NEDD4: variants seen among roughly 807,000 people sequenced by gnomAD.
NEDD4 encodes the protein E3 ubiquitin-protein ligase NEDD4.
In NEDD4, 99 loss-of-function variants were observed where a neutral mutation model predicts 144.9. The observed-to-expected ratio is 0.68, with a 90% CI of 0.58 to 0.81. NEDD4 has a LOEUF of 0.81. NEDD4 is among the 30% of genes least tolerant of loss of function. The pLI is 0.00. For synonymous variants in NEDD4, 318 were observed against 350.6 expected, an observed-to-expected ratio of 0.91 and a Z score of 1.04; for missense variants, 985 against 1,065.9, an observed-to-expected ratio of 0.92 and a Z score of 1.06.
chr15:55,958,244 T>C (rs1225153532), intron 2 of NEDD4, among the ~76,000 whole-genome samples: 6 of 152,248 alleles, frequency 3.9e-5, no homozygotes, highest in African/African-American at 1.2e-4. Context: ...GACTGGGTGT[T>C]ACATTTTGTC....
chr15:55,936,801 T>G (rs116706321), intron 4 of NEDD4, among the ~76,000 whole-genome samples: 1 of 151,832 alleles, frequency 6.6e-6, no homozygotes, highest in African/African-American at 2.4e-5. Context: ...TTTTCTTTTT[T>G]TTTTTTTTGA....
At chr15:55,954,267 C>G (rs1414613266) in intron 2 of NEDD4, among the ~76,000 whole-genome samples, 1 of 152,166 alleles carries the variant, frequency 6.6e-6, no homozygotes, top group Non-Finnish European at 1.5e-5. Context: ...TCATACCACT[C>G]GAACTGTTCC....
At chr15:55,911,332 T>C (rs2036266068) in intron 5 of NEDD4, among the ~76,000 whole-genome samples, 1 of 152,090 alleles carries the variant, frequency 6.6e-6, no homozygotes, top group Admixed American at 6.5e-5. Flanking sequence ...AATGCTGAGA[T>C]GGGGAATCCC....
chr15:55,950,600 C>T (rs1019645402), intron 4 of NEDD4, among the ~76,000 whole-genome samples: 1 of 151,900 alleles, frequency 6.6e-6, no homozygotes, highest in Non-Finnish European at 1.5e-5. Flanking sequence ...ACTGGTGACC[C>T]GAATAACAGC....
intron 5 of NEDD4, among the ~76,000 whole-genome samples, chr15:55,921,791 A>G (rs1329626794): frequency 6.6e-6 from 1 of 152,230 alleles, no homozygotes; most frequent in Non-Finnish European, 1.5e-5. Context: ...TATTATATAC[A>G]CAGTAAATGC....
chr15:55,912,489 T>C (rs1462572706), intron 5 of NEDD4, among the ~76,000 whole-genome samples: 5 of 151,948 alleles, frequency 3.3e-5, no homozygotes, highest in African/African-American at 1.2e-4. Flanking sequence ...AATAAAAATA[T>C]GAATATAAGT....
chr15:55,835,368 CTTTT>C (rs1245136828), intron 24 of NEDD4, among the ~76,000 whole-genome samples: 2 of 149,556 alleles, frequency 1.3e-5, no homozygotes, highest in Non-Finnish European at 3.0e-5. Context: ...CTCTTGATAC[CTTTT>C]TGTCTGCCTC....
intron 5 of NEDD4, among the ~76,000 whole-genome samples, chr15:55,901,082 A>G (rs1353404068): frequency 6.6e-6 from 1 of 152,150 alleles, no homozygotes; most frequent in Non-Finnish European, 1.5e-5. Context: ...TTGTGGGTAC[A>G]TGGTAGGTGT....
intron 1 of NEDD4, among the ~76,000 whole-genome samples, chr15:55,981,657 T>A (rs2140445998): frequency 6.6e-6 from 1 of 152,244 alleles, no homozygotes; most frequent in South Asian, 2.1e-4. Context: ...AATCCTTGGA[T>A]TTAGGAGCAA....
intron 1 of NEDD4, among the ~76,000 whole-genome samples, chr15:55,993,134 G>T (rs1048016956): frequency 1.3e-5 from 2 of 152,242 alleles, no homozygotes; most frequent in Non-Finnish European, 2.9e-5. Context: ...TGCTGCGACC[G>T]TCTCCCAACG....
At chr15:55,873,783 AAG>A (rs2034892224) in intron 6 of NEDD4, among the ~76,000 whole-genome samples, 173 bp downstream of exon 6, 2 of 152,230 alleles carry the variant, frequency 1.3e-5, no homozygotes, top group Non-Finnish European at 2.9e-5. Context: ...GGAAATCTTA[AAG>A]AGAAAATGGA....
At chr15:55,990,475 C>A (rs2037971537) in intron 1 of NEDD4, among the ~76,000 whole-genome samples, 1 of 152,172 alleles carries the variant, frequency 6.6e-6, no homozygotes, top group Non-Finnish European at 1.5e-5. Flanking sequence ...ACCACCACTA[C>A]TTCGGTGACT....
At chr15:55,900,492 A>T (rs2035879040) in intron 5 of NEDD4, among the ~76,000 whole-genome samples, 1 of 152,234 alleles carries the variant, frequency 6.6e-6, no homozygotes, top group South Asian at 2.1e-4. Flanking sequence ...GTATCAGTAT[A>T]ATATATTTCG....
intron 1 of NEDD4, among the ~76,000 whole-genome samples, chr15:55,980,713 A>T (rs767985817): frequency 7.2e-4 from 109 of 152,338 alleles, no homozygotes; most frequent in South Asian, 2.1e-4. Flanking sequence ...TCCAGATGGA[A>T]TGCAACATAG....
chr15:55,845,391 C>G (rs2033698814), intron 18 of NEDD4, among the ~76,000 whole-genome samples: 1 of 152,156 alleles, frequency 6.6e-6, no homozygotes, highest in Non-Finnish European at 1.5e-5. Flanking sequence ...CCTCAGTTTC[C>G]TCATCTGTGA....
chr15:55,953,384 C>T (rs2037279799), intron 2 of NEDD4, among the ~76,000 whole-genome samples: 1 of 152,046 alleles, frequency 6.6e-6, no homozygotes, highest in South Asian at 2.1e-4. Context: ...AAGCGGACAG[C>T]CAGGATTGAA....
chr15:55,848,754 C>T (rs377309836), intron 15 of NEDD4, 52 bp downstream of exon 15: 1 of 1,533,070 alleles, frequency 6.5e-7, no homozygotes, highest in Non-Finnish European at 9.0e-7. Flanking sequence ...CCCGAAAATG[C>T]AAAATATTTG....
At chr15:55,977,969 G>A (rs538110767) in intron 1 of NEDD4, among the ~76,000 whole-genome samples, 1 of 152,238 alleles carries the variant, frequency 6.6e-6, no homozygotes, top group African/African-American at 2.4e-5. Context: ...AAGTGGTAAA[G>A]TATAATTGAA....
intron 5 of NEDD4, among the ~76,000 whole-genome samples, chr15:55,917,802 G>A (rs1342070019): frequency 6.6e-6 from 1 of 151,542 alleles, no homozygotes; most frequent in Admixed American, 6.6e-5. Flanking sequence ...AATAGCCTAA[G>A]CAAACATTCC....
Sources: gnomAD v4.1 joint callset for allele counts (sites outside exome capture counted in the v4.1 genomes callset) on GRCh38, gnomAD v4.1.1 for gene constraint, MANE v1.5 for transcripts, NCBI Gene and HGNC (gene_info 2026-07-23, HGNC 2026-07-21) for gene names.